Variants in CDKN2B-AS1 observed in about 807,000 individuals in gnomAD.
CDKN2B-AS1 encodes CDKN2B and CDKN2A antisense cis and trans regulatory RNA 1, also known as CDKN2B antisense RNA 1 (non-protein coding).
chr9:22,097,042 T>G (rs1444578466), intron 4 of CDKN2B-AS1, among the ~76,000 whole-genome samples: 1 of 152,222 alleles, frequency 6.6e-6, no homozygotes, highest in Non-Finnish European at 1.5e-5. Context: ...TGTGGTCAGA[T>G]GCAGACCTGT....
chr9:22,124,342 T>A (rs1817983535), intron 4 of CDKN2B-AS1, among the ~76,000 whole-genome samples: 1 of 152,090 alleles, frequency 6.6e-6, no homozygotes, highest in South Asian at 2.1e-4. Flanking sequence ...TTCAAGAAAT[T>A]AAAAGCTTCT....
At chr9:22,123,230 T>A (rs779138923) in intron 4 of CDKN2B-AS1, among the ~76,000 whole-genome samples, 2 of 152,234 alleles carry the variant, frequency 1.3e-5, no homozygotes, top group African/African-American at 2.4e-5. Flanking sequence ...CAGAATTTGT[T>A]ATTAGCTCTG....
At chr9:22,124,579 T>C (rs1817989811) in intron 4 of CDKN2B-AS1, among the ~76,000 whole-genome samples, 1 of 152,266 alleles carries the variant, frequency 6.6e-6, no homozygotes, top group Non-Finnish European at 1.5e-5. Context: ...TTTCTGTCTT[T>C]AAATTTTTTG....
At chr9:22,012,019 A>G (rs934126024) in intron 1 of CDKN2B-AS1, 2 of 522,166 alleles carry the variant, frequency 3.8e-6, no homozygotes, top group African/African-American at 3.8e-5. Flanking sequence ...AATGTTGCAC[A>G]TAACTCAGAT....
At chr9:22,068,584 G>C (rs903369443) in intron 4 of CDKN2B-AS1, among the ~76,000 whole-genome samples, 1 of 152,162 alleles carries the variant, frequency 6.6e-6, no homozygotes, top group African/African-American at 2.4e-5. Flanking sequence ...GGTGTTACTC[G>C]TAGGAGGCCT....
chr9:22,098,424 T>A lies in CDKN2B-AS1; in HGVS notation n.439-28679T>A, dbSNP rs1825365749. ...GGGAAATGCCATGGGCAAGAATTTT[T>A]TTTTTTTTTATCACCATGCTTTCTG... On this transcript the variant is annotated intron_variant and non_coding_transcript_variant, in intron 4 of 4. Transcript: ENST00000650946. 3.3e-5 allele frequency among the ~76,000 whole-genome samples: 5 copies of A among 151,876 alleles called. No individual in the cohort carries two copies. The South Asian group carries it at 1.0e-3, about 32-fold the overall frequency.
chr9:22,013,066 T>A (rs567618501), intron 1 of CDKN2B-AS1, among the ~76,000 whole-genome samples: 20 of 152,350 alleles, frequency 1.3e-4, no homozygotes, highest in African/African-American at 4.8e-4. Flanking sequence ...GCCATCCTAC[T>A]GCTGCCTCTT....
rs1484042778 is a variant in CDKN2B-AS1 at position 22,095,116 on chromosome 9, G to A, written n.439-31987G>A. Among the ~76,000 whole-genome samples, 2 of 144,818 alleles carry A rather than the reference G, an allele frequency of 1.4e-5. 1 individual carries two copies. Among genetic ancestry groups the A allele is most frequent in the African/African-American group, 5.7e-5 (2 of 34,810 alleles). On this transcript the variant is annotated intron_variant and non_coding_transcript_variant, in intron 4 of 4. Transcript: ENST00000650946. The stretch of plus-strand genomic sequence containing the variant: ...TGCCTGGGTATCAGCAGCGGAGGCT[G>A]CAGAACGGCGAATGTTGCTGAACAG...
chr9:22,030,715 A>G (rs186747474), intron 1 of CDKN2B-AS1: 1 of 151,780 alleles, frequency 6.6e-6, no homozygotes, highest in Non-Finnish European at 1.5e-5. Context: ...TCCTCATTAC[A>G]GGATATAATA....
intron 1 of CDKN2B-AS1, chr9:22,008,792 A>G: frequency 2.5e-6 from 4 of 1,606,646 alleles, no homozygotes; most frequent in Non-Finnish European, 3.4e-6. Flanking sequence ...CTGGGGCCCC[A>G]GCTACCTGGA....
intron 1 of CDKN2B-AS1, among the ~76,000 whole-genome samples, chr9:22,044,451 G>A (rs2131269688): frequency 6.6e-6 from 1 of 152,006 alleles, no homozygotes; most frequent in East Asian, 1.9e-4. Flanking sequence ...CTGGAGATTT[G>A]ATCTTTGGCT....
chr9:22,086,019 A>T (rs1341245265), intron 4 of CDKN2B-AS1, among the ~76,000 whole-genome samples: 3 of 152,132 alleles, frequency 2.0e-5, no homozygotes, highest in African/African-American at 7.2e-5. Context: ...CTTGGGGGTC[A>T]GAAGATTCAA....
chr9:22,072,720 A>G (rs10757270), intron 4 of CDKN2B-AS1, among the ~76,000 whole-genome samples: 62,305 of 152,028 alleles, frequency 0.41, 13,095 homozygotes, highest in Middle Eastern at 0.56. Flanking sequence ...TAGGAGCACA[A>G]GGCAGCCTAA....
At chr9:22,019,724 A>C (rs759664467) in intron 1 of CDKN2B-AS1, among the ~76,000 whole-genome samples, 27 of 152,150 alleles carry the variant, frequency 1.8e-4, no homozygotes, top group Non-Finnish European at 1.3e-4. Flanking sequence ...TAGTAATGCA[A>C]TTTTCTCTAT....
chr9:22,032,509 G>C (rs1563934826), intron 1 of CDKN2B-AS1, among the ~76,000 whole-genome samples: 1 of 152,186 alleles, frequency 6.6e-6, no homozygotes, highest in Admixed American at 6.5e-5. Context: ...TGTAGAAGGT[G>C]CTCAACAAAG....
intron 4 of CDKN2B-AS1, chr9:22,119,645 C>G (rs1826047772): frequency 6.6e-6 from 1 of 152,270 alleles, no homozygotes; most frequent in South Asian, 2.1e-4. Context: ...GTCTCAGTCA[C>G]TACCTGATAG....
chr9:22,000,343 G>A lies in CDKN2B-AS1; in HGVS notation n.29+5182G>A, dbSNP rs989096166. Among the ~76,000 whole-genome samples, 2 of 152,046 alleles carry A rather than the reference G, an allele frequency of 1.3e-5. No homozygotes were observed. The highest frequency in any genetic ancestry group is 4.8e-5 in the African/African-American group (2 of 41,412). On this transcript the variant is annotated intron_variant and non_coding_transcript_variant, in intron 1 of 4. Transcript: ENST00000650946. This position sits in a 1 kb window ranked among gnomAD's most constrained non-coding sequence, Gnocchi z 4.1. ...AAAGTGGTATGCTTCCCTAGAAAGG[G>A]GACGACCTTAAATCTTTCTGTTTAT... is the stretch of plus-strand genomic sequence containing the variant.
At chr9:22,091,424 G>C (rs1345108352) in intron 4 of CDKN2B-AS1, among the ~76,000 whole-genome samples, 2 of 152,132 alleles carry the variant, frequency 1.3e-5, no homozygotes, top group African/African-American at 4.8e-5. Context: ...GGGCAGTATG[G>C]CCATTTTCAT....
chr9:22,119,687 TTGACATACAG>T (rs1826049060), intron 4 of CDKN2B-AS1: 1 of 152,244 alleles, frequency 6.6e-6, no homozygotes, highest in African/African-American at 2.4e-5. Context: ...CAGGGCGCAT[TTGACATACAG>T]TGACATTTTT....
Sources: gnomAD v4.1 joint callset for allele counts (sites outside exome capture counted in the v4.1 genomes callset) on GRCh38, gnomAD v4.1.1 for gene constraint, Gnocchi (gnomAD v3.1) non-coding constraint, MANE v1.5 for transcripts, NCBI Gene and HGNC (gene_info 2026-07-23, HGNC 2026-07-21) for gene names.